TANC1: variants seen among roughly 807,000 people sequenced by gnomAD.
TANC1 encodes the protein protein TANC1.
TANC1 carries 77 observed loss-of-function variants against 149.7 expected under a neutral mutation model. That is an observed-to-expected ratio of 0.51 (90% CI 0.43 to 0.62). TANC1 has a LOEUF of 0.62. Ranked by LOEUF, TANC1 falls within the 20% of genes least tolerant of loss-of-function variation. The pLI is 0.00. For synonymous variants in TANC1, 854 were observed against 925.0 expected, an observed-to-expected ratio of 0.92 and a Z score of 1.39; for missense variants, 1,985 against 2,321.8, an observed-to-expected ratio of 0.85 and a Z score of 2.98.
Position 159,025,507 on chromosome 2 carries a change from C to A in TANC1, c.-16+24318C>A, listed in dbSNP as rs188431016. Among the ~76,000 whole-genome samples, 787 of 152,186 alleles carry A rather than the reference C, an allele frequency of 5.2e-3. 8 individuals are homozygous for A. Among genetic ancestry groups the A allele is most frequent in the African/African-American group, 0.017 (709 of 41,526 alleles). The stretch of plus-strand genomic sequence containing the variant: ...AATTCCCTTTGTAAATAGTATGTAT[C>A]TGTTACTCAGTAAAGATCCCCGATG... On this transcript the variant is annotated intron_variant, in intron 2 of 26. Transcript: ENST00000263635.
chr2:159,154,669 C>G (rs1219324282), intron 7 of TANC1, among the ~76,000 whole-genome samples: 3 of 152,194 alleles, frequency 2.0e-5, no homozygotes, highest in South Asian at 2.1e-4. Context: ...TATAATAATT[C>G]TGTCATGTAG....
chr2:159,072,548 G>T (rs908845709), intron 3 of TANC1, among the ~76,000 whole-genome samples: 1 of 152,186 alleles, frequency 6.6e-6, no homozygotes, highest in African/African-American at 2.4e-5. Context: ...GTTTTAGCTT[G>T]ACATTTGGCC....
chr2:159,169,519 C>G, intron 9 of TANC1, 147 bp downstream of exon 9: 1 of 785,988 alleles, frequency 1.3e-6, no homozygotes, highest in Non-Finnish European at 2.0e-6. Context: ...GTGAGGTGTG[C>G]TAAGAGGTCA....
intron 4 of TANC1, among the ~76,000 whole-genome samples, chr2:159,132,459 G>A (rs892842354): frequency 2.0e-5 from 3 of 151,836 alleles, no homozygotes; most frequent in African/African-American, 7.3e-5. Flanking sequence ...CATGAGGAGG[G>A]AGGGGTACAG....
chr2:158,992,581 C>G (rs2035747172), intron 1 of TANC1, among the ~76,000 whole-genome samples: 1 of 151,800 alleles, frequency 6.6e-6, no homozygotes. Flanking sequence ...TGGCTCACTA[C>G]AAGTTCTGCC....
At chr2:159,140,044 A>G (rs1158880195) in intron 5 of TANC1, among the ~76,000 whole-genome samples, 1 of 152,056 alleles carries the variant, frequency 6.6e-6, no homozygotes, top group African/African-American at 2.4e-5. Context: ...ACAATGTAGC[A>G]AGGCCTCATA....
chr2:159,073,756 G>GT (rs1223107434), intron 3 of TANC1, among the ~76,000 whole-genome samples: 3 of 152,048 alleles, frequency 2.0e-5, no homozygotes, highest in Non-Finnish European at 4.4e-5. Context: ...GCTTTTCCAT[G>GT]TTTTCTATTT....
At chr2:159,208,633 G>A (rs1046309656) in intron 19 of TANC1, among the ~76,000 whole-genome samples, 2 of 152,210 alleles carry the variant, frequency 1.3e-5, no homozygotes, top group African/African-American at 4.8e-5. Context: ...GTTGATGCCT[G>A]TTGCCTTATA....
At chr2:159,159,669 C>A (rs1285206405) in intron 7 of TANC1, among the ~76,000 whole-genome samples, 1 of 148,310 alleles carries the variant, frequency 6.7e-6, no homozygotes, top group Non-Finnish European at 1.5e-5. Context: ...ATTAGCTATA[C>A]CACTAATTGT....
chr2:159,108,192 C>G (rs1363707003), intron 4 of TANC1, among the ~76,000 whole-genome samples: 1 of 152,174 alleles, frequency 6.6e-6, no homozygotes, highest in Non-Finnish European at 1.5e-5. Flanking sequence ...AGAAAAGTGA[C>G]GCTTTAGGTC....
At chr2:159,202,873 G>A (rs1036861682) in intron 19 of TANC1, among the ~76,000 whole-genome samples, 3 of 152,124 alleles carry the variant, frequency 2.0e-5, no homozygotes, top group Non-Finnish European at 2.9e-5. Context: ...GCTACACTGA[G>A]TTACTATCTC....
intron 3 of TANC1, among the ~76,000 whole-genome samples, chr2:159,069,208 G>A (rs1225115936): frequency 6.6e-6 from 1 of 152,316 alleles, no homozygotes; most frequent in Non-Finnish European, 1.5e-5. Flanking sequence ...GGTGGAGAAT[G>A]TAATTTTTAA....
At chr2:159,182,463 A>G (rs901886616) in intron 14 of TANC1, among the ~76,000 whole-genome samples, 1 of 152,202 alleles carries the variant, frequency 6.6e-6, no homozygotes, top group East Asian at 1.9e-4. Context: ...ATTTTTTAGT[A>G]TGTTCACATC....
rs557310578 is a variant in TANC1, at chr2:159,028,416, G to A, written c.-16+27227G>A. Among the ~76,000 whole-genome samples the A allele has an allele frequency of 5.9e-5, 9 of 152,114 alleles. No homozygotes were observed. The South Asian group carries it at 1.2e-3, about 21-fold the overall frequency. Reference sequence around the variant, plus strand: ...GATTACAGGTGTGAGCCATCATGTCGGGCCTATTCTTTACTGTTTATACTT... The same window carrying A: ...GATTACAGGTGTGAGCCATCATGTCAGGCCTATTCTTTACTGTTTATACTT... On this transcript the variant is annotated intron_variant, in intron 2 of 26. Coordinates refer to ENST00000263635, the MANE Select transcript of TANC1 (RefSeq NM_033394.3).
chr2:159,231,072 T>A lies in TANC1; in HGVS notation c.*60T>A, dbSNP rs951782010. The A allele has an allele frequency of 1.5e-5, 20 of 1,343,632 alleles. No individual in the cohort carries two copies. The highest frequency in any genetic ancestry group is 1.7e-5 in the Non-Finnish European group (17 of 984,964). 83.2% of individuals were successfully genotyped at this position (1,343,632 alleles called of 1,614,324 possible). On this transcript the variant is annotated 3_prime_UTR_variant, in exon 27 of 27. Coordinates refer to ENST00000263635, the MANE Select transcript of TANC1 (RefSeq NM_033394.3). ...CGTGTGTTGACTCCTGGTGGTAAAT[T>A]AAATAGTTTTTTTCATCAGAAAAAT... is the stretch of plus-strand genomic sequence containing the variant.
chr2:159,127,950 T>G (rs2049642683), intron 4 of TANC1, among the ~76,000 whole-genome samples: 1 of 152,264 alleles, frequency 6.6e-6, no homozygotes, highest in Non-Finnish European at 1.5e-5. Flanking sequence ...CACAATGTCT[T>G]AGGCGTTGCA....
chr2:159,215,634 G>A (rs967432283), intron 19 of TANC1, among the ~76,000 whole-genome samples: 6 of 152,210 alleles, frequency 3.9e-5, no homozygotes, highest in Non-Finnish European at 8.8e-5. Context: ...TCTGAGACCC[G>A]AGCTCAGAAG....
intron 1 of TANC1, among the ~76,000 whole-genome samples, chr2:158,994,269 C>T (rs1574014021): frequency 6.6e-6 from 1 of 152,024 alleles, no homozygotes; most frequent in African/African-American, 2.4e-5. Context: ...TTTTATTTTA[C>T]TATTTTTTCT....
chr2:159,196,804 C>T lies in TANC1; in HGVS notation c.3165+11C>T. 1 of 1,600,324 alleles carries T rather than the reference C, an allele frequency of 6.2e-7. No individual in the cohort carries two copies. Among genetic ancestry groups the T allele is most frequent in the Admixed American group, 1.7e-5 (1 of 57,674 alleles). ...ATGGGCCACAGCTCGGTGAGTGGGG[C>T]AGGGGTTTCCCTCCTGGGAAACAAG... On this transcript the variant is annotated intron_variant, in intron 18 of 26. Transcript: ENST00000263635.
Sources: gnomAD v4.1 joint callset for allele counts (sites outside exome capture counted in the v4.1 genomes callset) on GRCh38, gnomAD v4.1.1 for gene constraint, MANE v1.5 for transcripts, NCBI Gene and HGNC (gene_info 2026-07-23, HGNC 2026-07-21) for gene names.